The following SETD6 variants were observed in gnomAD, a reference collection of about 807,000 sequenced individuals.
SETD6 encodes SET domain containing 6, protein lysine methyltransferase, also known as N-lysine methyltransferase SETD6.
A neutral mutation model predicts 52.7 loss-of-function variants in SETD6; 67 were observed. The ratio of observed to expected loss-of-function variants is 1.27; its 90% CI spans 1.04 to 1.56. SETD6 has a LOEUF of 1.56. Among genes scored for constraint, SETD6 ranks in the 40% most tolerant of loss-of-function variants. The pLI is 0.00. For synonymous variants in SETD6, 307 were observed against 250.2 expected (o/e 1.23, Z -2.14); for missense variants, 712 against 607.5 (o/e 1.17, Z -1.81).
In SETD6 at chr16:58,515,886, C is replaced by T; in HGVS notation, c.123C>T (p.Ser41=). 1 of 1,513,054 alleles carries T rather than the reference C, an allele frequency of 6.6e-7. No homozygotes were observed. The highest frequency in any genetic ancestry group is 1.4e-5 in the African/African-American group (1 of 69,306). The allele number at this position is 1,513,054 out of a possible 1,614,324, so 93.7% of individuals were successfully genotyped here. Residue 41 remains serine (S), a synonymous_variant, in exon 2 of 8, where the codon AGC becomes AGT. Coordinates refer to ENST00000219315, the MANE Select transcript of SETD6 (RefSeq NM_001160305.4). ...GGCTGGAGCTGAGTCCCAAGGTGAG[C>T]GAGCGAGCCGGCGGGCGGAGGACCC... The part of the protein sequence containing the change: ...RVGLELSPKV[S]ERAGGRRTRG...
rs775653104 is a variant in SETD6, at chr16:58,518,781, G to C, written c.1174G>C (p.Asp392His). The C allele has an allele frequency of 8.7e-6, 14 of 1,614,048 alleles. No individual in the cohort carries two copies. Among genetic ancestry groups the C allele is most frequent in the Non-Finnish European group, 1.2e-5 (14 of 1,180,042 alleles). The change falls in exon 8 of 8, where the codon GAT becomes CAT. Residue 392 changes from aspartate (D) to histidine (H), a missense_variant. Transcript: ENST00000219315. ...GCTTAAAGACCAGGATGGAGGGGGA[G>C]ATGATAAAAGGGAAGAGGGCAGCCT... ...RELKDQDGGG[D>H]DKREEGSLTI...
Position 58,519,203 on chromosome 16 carries a change from G to C in SETD6, c.*174G>C, listed in dbSNP as rs1420345058. 1.9e-5 allele frequency: 12 copies of C among 622,338 alleles called. No individual in the cohort carries two copies. Among genetic ancestry groups the C allele is most frequent in the Non-Finnish European group, 3.0e-5 (11 of 365,158 alleles). 38.6% of individuals were successfully genotyped at this position (622,338 alleles called of 1,614,324 possible). Reference sequence around the variant, plus strand: ...CTCAGGTAAGGGTGATGTGTTTTAGGATTGAGAACAGCAGACTTGGGAATC... The same window carrying C: ...CTCAGGTAAGGGTGATGTGTTTTAGCATTGAGAACAGCAGACTTGGGAATC... On this transcript the variant is annotated 3_prime_UTR_variant, in exon 8 of 8. Coordinates refer to ENST00000219315, the MANE Select transcript of SETD6 (RefSeq NM_001160305.4).
At chr16:58,515,639 C>G in intron 1 of SETD6, 75 bp downstream of exon 1, 2 of 1,422,998 alleles carry the variant, frequency 1.4e-6, no homozygotes, top group Non-Finnish European at 1.8e-6. Context: ...CGTCCGCCTG[C>G]GCCCCCTCCG....
Position 58,519,092 on chromosome 16 carries a change from TG to T in SETD6, c.*64del, listed in dbSNP as rs1171497588. On this transcript the variant is annotated 3_prime_UTR_variant, in exon 8 of 8. Coordinates refer to ENST00000219315, the MANE Select transcript of SETD6 (RefSeq NM_001160305.4). The stretch of plus-strand genomic sequence containing the variant: ...TTTATTCTAAGCTAATACTCATTGA[TG>T]TTTGAAAAAGAGGAAAATTTGGATC... 2.1e-5 allele frequency: 31 copies of T among 1,474,622 alleles called. No individual in the cohort carries two copies. The highest frequency in any genetic ancestry group is 7.2e-5 in the Admixed American group (3 of 41,380). 91.3% of individuals were successfully genotyped at this position (1,474,622 alleles called of 1,614,324 possible). A position where few individuals can be genotyped will look rare whatever the true frequency, so the allele number is the denominator to read the frequency against.
rs2039368043 is a variant in SETD6 at position 58,521,492 on chromosome 16, G to C, written c.*2463G>C. On this transcript the variant is annotated 3_prime_UTR_variant, in exon 8 of 8. Transcript: ENST00000219315. ...CAAATAGCACAGGTTGGAATACCTG[G>C]GTTTGAACCCTGCTCTTAGCCGTAG... is the stretch of plus-strand genomic sequence containing the variant. Among the ~76,000 whole-genome samples, 1 of 152,256 alleles carries C rather than the reference G, an allele frequency of 6.6e-6. No individual in the cohort carries two copies.
chr16:58,515,590 CT>C, intron 1 of SETD6, 26 bp downstream of exon 1: 8 of 1,540,776 alleles, frequency 5.2e-6, no homozygotes, highest in East Asian at 2.5e-5. Flanking sequence ...GGGGTCCAGC[CT>C]TTTCCTCCGC....
chr16:58,517,839 C>T (rs1180712036), intron 5 of SETD6: 1 of 628,350 alleles, frequency 1.6e-6, no homozygotes, highest in Middle Eastern at 4.4e-4. Flanking sequence ...AGAAATCCAC[C>T]CAGTTAAACA....
chr16:58,516,345 T>TGAGA lies in SETD6; in HGVS notation c.476+4_476+7dup. 1 of 1,609,770 alleles carries TGAGA rather than the reference T, an allele frequency of 6.2e-7. No individual in the cohort carries two copies. Among genetic ancestry groups the TGAGA allele is most frequent in the South Asian group, 1.1e-5 (1 of 91,086 alleles). On this transcript the variant is annotated splice_region_variant and intron_variant, in intron 3 of 7. Coordinates refer to ENST00000219315, the MANE Select transcript of SETD6 (RefSeq NM_001160305.4). ...CCGCTTGGAGCACCCGATGTTCTGG[T>TGAGA]GAGAGCCTTGGGAGGGGTTGGGGAG...
rs1426486488 is a variant in SETD6, at chr16:58,518,907, G to C, written c.1300G>C (p.Asp434His). The stretch of plus-strand genomic sequence containing the variant: ...GACCTATGCCACAGACTTAAAAACT[G>C]ACCAAGGTTTACTCAGTAATAAGGA... Reference protein sequence around the residue: ...LQTYATDLKTDQGLLSNKEVY... With the variant: ...LQTYATDLKTHQGLLSNKEVY... Residue 434 changes from aspartate to histidine, a missense_variant, in exon 8 of 8, where the codon GAC (aspartate) becomes CAC (histidine). Physicochemically the swap from Asp to His is moderately conservative, Grantham distance 81. Coordinates refer to ENST00000219315, the MANE Select transcript of SETD6 (RefSeq NM_001160305.4). 2 of 1,614,014 alleles carry C rather than the reference G, an allele frequency of 1.2e-6. No homozygotes were observed. The highest frequency in any genetic ancestry group is 1.7e-6 in the Non-Finnish European group (2 of 1,180,028).
At position 58,515,890 on chromosome 16, in the gene SETD6, C is replaced by A; in HGVS notation, c.127C>A (p.Arg43=). The A allele has an allele frequency of 1.3e-6, 2 of 1,511,028 alleles. No homozygotes were observed. The highest frequency in any genetic ancestry group is 1.3e-5 in the South Asian group (1 of 79,966). The allele number at this position is 1,511,028 out of a possible 1,614,324, so 93.6% of individuals were successfully genotyped here. A position where few individuals can be genotyped will look rare whatever the true frequency, so the allele number is the denominator to read the frequency against. ...GGAGCTGAGTCCCAAGGTGAGCGAG[C>A]GAGCCGGCGGGCGGAGGACCCGCGG... ...GLELSPKVSE[R]AGGRRTRGGA... Residue 43 remains arginine, a synonymous_variant, in exon 2 of 8, where the codon CGA becomes AGA. Transcript: ENST00000219315.
chr16:58,521,358 T>A lies in SETD6; in HGVS notation c.*2329T>A, dbSNP rs1567381298. The stretch of plus-strand genomic sequence containing the variant: ...AAGAGCTAGTTAATGTATAGAAGCA[T>A]ACAAATTCATGATTATTCTTCCATT... On this transcript the variant is annotated 3_prime_UTR_variant, in exon 8 of 8. Transcript: ENST00000219315. 6.4e-7 allele frequency: 1 copy of A among 1,554,026 alleles called. No individual in the cohort carries two copies. The highest frequency in any genetic ancestry group is 2.1e-5 in the Admixed American group (1 of 47,026).
In SETD6 at chr16:58,523,474, T is replaced by G; in HGVS notation, c.*4445T>G. 1 of 1,614,076 alleles carries G rather than the reference T, an allele frequency of 6.2e-7. No homozygotes were observed. The highest frequency in any genetic ancestry group is 8.5e-7 in the Non-Finnish European group (1 of 1,179,952). Reference sequence around the variant, plus strand: ...GGCTATTTGGGTACCGGAGCTGATTTGCAATTGCATTCAAAAAGAGATAGC... The same window carrying G: ...GGCTATTTGGGTACCGGAGCTGATTGGCAATTGCATTCAAAAAGAGATAGC... On this transcript the variant is annotated 3_prime_UTR_variant, in exon 8 of 8. Coordinates refer to ENST00000219315, the MANE Select transcript of SETD6 (RefSeq NM_001160305.4).
chr16:58,523,807 C>G lies in SETD6; in HGVS notation c.*4778C>G. 4.4e-6 allele frequency: 1 copy of G among 227,080 alleles called. No individual in the cohort carries two copies. Among genetic ancestry groups the G allele is most frequent in the South Asian group, 9.8e-5 (1 of 10,256 alleles). 14.1% of individuals were successfully genotyped at this position (227,080 alleles called of 1,614,324 possible). A position where few individuals can be genotyped will look rare whatever the true frequency, so the allele number is the denominator to read the frequency against. ...AAGTCTTTCTACATTTTGCAGATCT[C>G]TAAGTCTTGCTTAATAAAAGACAGC... On this transcript the variant is annotated 3_prime_UTR_variant, in exon 8 of 8. Coordinates refer to ENST00000219315, the MANE Select transcript of SETD6 (RefSeq NM_001160305.4).
rs146704739 is a variant in SETD6, at chr16:58,518,750, C to G, written c.1143C>G (p.Phe381Leu). Residue 381 changes from phenylalanine to leucine, a missense_variant, in exon 8 of 8, where the codon TTC becomes TTG. Transcript: ENST00000219315. Reference protein sequence around the residue: ...LKVLCMPAEEFRELKDQDGGG... With the variant: ...LKVLCMPAEELRELKDQDGGG... ...TACTGTGCATGCCTGCTGAGGAGTT[C>G]AGAGAGCTTAAAGACCAGGATGGAG... 12 of 1,613,878 alleles carry G rather than the reference C, an allele frequency of 7.4e-6. No homozygotes were observed. Among genetic ancestry groups the G allele is most frequent in the Admixed American group, 3.3e-5 (2 of 59,992 alleles).
chr16:58,518,276 A>C (rs774399046), intron 6 of SETD6, 45 bp downstream of exon 6: 4 of 1,610,808 alleles, frequency 2.5e-6, no homozygotes, highest in Non-Finnish European at 3.4e-6. Context: ...TGGTGTGTCT[A>C]TACCCATGCC....
rs2151890871 is a variant in SETD6, at chr16:58,523,747, G to C, written c.*4718G>C. 1 of 327,912 alleles carries C rather than the reference G, an allele frequency of 3.0e-6. No individual in the cohort carries two copies. The highest frequency in any genetic ancestry group is 5.1e-5 in the East Asian group (1 of 19,574). 20.3% of individuals were successfully genotyped at this position (327,912 alleles called of 1,614,324 possible). A position where few individuals can be genotyped will look rare whatever the true frequency, so the allele number is the denominator to read the frequency against. ...ACAGACCCACTATGTGCTAATGTAAGAAACATGAACTATTTTCTGGTGACA... is the reference window on the plus strand; with the variant it reads ...ACAGACCCACTATGTGCTAATGTAACAAACATGAACTATTTTCTGGTGACA... On this transcript the variant is annotated 3_prime_UTR_variant, in exon 8 of 8. Coordinates refer to ENST00000219315, the MANE Select transcript of SETD6 (RefSeq NM_001160305.4).
rs1033045064 is a variant in SETD6 at position 58,519,762 on chromosome 16, A to G, written c.*733A>G. Reference sequence around the variant, plus strand: ...TCCAGTGTTGAAATAAATAGGAAGAAAAATACAATTTCCTTAAACATGCCA... The same window carrying G: ...TCCAGTGTTGAAATAAATAGGAAGAGAAATACAATTTCCTTAAACATGCCA... On this transcript the variant is annotated 3_prime_UTR_variant, in exon 8 of 8. Coordinates refer to ENST00000219315, the MANE Select transcript of SETD6 (RefSeq NM_001160305.4). The G allele has an allele frequency of 6.6e-6, 1 of 152,240 alleles. No individual in the cohort carries two copies. The highest frequency in any genetic ancestry group is 1.5e-5 in the Non-Finnish European group (1 of 68,042). 9.4% of individuals were successfully genotyped at this position (152,240 alleles called of 1,614,324 possible).
chr16:58,517,595 C>G (rs140311956), intron 5 of SETD6: 2,330 of 197,684 alleles, frequency 0.012, 49 homozygotes, highest in African/African-American at 0.052. Flanking sequence ...CTGCCTCAGC[C>G]TCCCGAGTAG....
intron 5 of SETD6, chr16:58,517,589 C>G (rs2039210331): frequency 5.2e-6 from 1 of 191,666 alleles, no homozygotes. Context: ...TTCTCCCTGC[C>G]TCAGCCTCCC....
Sources: allele counts gnomAD v4.1 joint callset (sites outside exome capture counted in the v4.1 genomes callset), GRCh38; gene constraint gnomAD v4.1.1; transcripts MANE v1.5; gene names NCBI Gene and HGNC (gene_info 2026-07-23, HGNC 2026-07-21).